Variants in WDPCP observed in about 807,000 individuals in gnomAD.
The protein encoded by WDPCP is WD repeat containing planar cell polarity effector.
A neutral mutation model predicts 93.1 loss-of-function variants in WDPCP; 71 were observed. That is an observed-to-expected ratio of 0.76 (90% CI 0.63 to 0.93). The LOEUF (loss-of-function observed/expected upper bound fraction) is 0.93. Ranked by LOEUF, WDPCP falls within the 40% of genes least tolerant of loss-of-function variation. The probability of loss-of-function intolerance (pLI) is 0.00; values close to 1 mark genes in which losing one functional copy is unlikely to be tolerated. For synonymous variants in WDPCP, 315 were observed against 315.0 expected, an observed-to-expected ratio of 1.00 and a Z score of 0.00; for missense variants, 844 against 887.4, an observed-to-expected ratio of 0.95 and a Z score of 0.62.
chr2:63,382,354 A>G (rs1183685322), intron 10 of WDPCP, among the ~76,000 whole-genome samples: 2 of 152,082 alleles, frequency 1.3e-5, no homozygotes, highest in African/African-American at 4.8e-5. Flanking sequence ...GGGGGGTGGC[A>G]TTCTGTTCTG....
intron 2 of WDPCP, among the ~76,000 whole-genome samples, chr2:63,700,558 A>G (rs915890613): frequency 6.6e-6 from 1 of 152,160 alleles, no homozygotes; most frequent in African/African-American, 2.4e-5. Flanking sequence ...TTCGTGCTGA[A>G]CATTTTTTCC....
intron 12 of WDPCP, among the ~76,000 whole-genome samples, chr2:63,334,407 A>G (rs915364957): frequency 6.6e-6 from 1 of 152,178 alleles, no homozygotes; most frequent in Non-Finnish European, 1.5e-5. Context: ...ATCAATCAAC[A>G]TATGTGAGAT....
At chr2:63,730,114 C>T (rs112826477) in intron 2 of WDPCP, among the ~76,000 whole-genome samples, 6 of 152,252 alleles carry the variant, frequency 3.9e-5, no homozygotes, top group African/African-American at 1.4e-4. Context: ...CACTTATACA[C>T]AGGCATGTGT....
chr2:63,333,308 A>T (rs556650913), intron 12 of WDPCP, among the ~76,000 whole-genome samples: 1 of 152,364 alleles, frequency 6.6e-6, no homozygotes, highest in South Asian at 2.1e-4. Flanking sequence ...ACCCCAAAAT[A>T]TATTTCCTTG....
chr2:63,783,006 A>G (rs1369519393), intron 2 of WDPCP, among the ~76,000 whole-genome samples: 2 of 152,012 alleles, frequency 1.3e-5, no homozygotes, highest in Admixed American at 6.6e-5. Context: ...AATTAGTACA[A>G]CCTCTATGGA....
intron 2 of WDPCP, among the ~76,000 whole-genome samples, chr2:63,755,538 A>C (rs1035150086): frequency 6.6e-6 from 1 of 152,244 alleles, no homozygotes. Context: ...AATAACTAAA[A>C]TAACAACAAA....
intron 2 of WDPCP, among the ~76,000 whole-genome samples, chr2:63,674,966 C>G (rs1356142748): frequency 6.6e-6 from 1 of 152,118 alleles, no homozygotes; most frequent in Non-Finnish European, 1.5e-5. Flanking sequence ...GGGGACAGAG[C>G]AGATGTCCTG....
chr2:63,489,340 G>A (rs1700740332), intron 2 of WDPCP, among the ~76,000 whole-genome samples: 1 of 152,054 alleles, frequency 6.6e-6, no homozygotes, highest in South Asian at 2.1e-4. Context: ...GTAAACTCAT[G>A]GTTTCAATAT....
intron 12 of WDPCP, among the ~76,000 whole-genome samples, chr2:63,371,125 G>A (rs979164641): frequency 2.6e-5 from 4 of 152,010 alleles, no homozygotes; most frequent in African/African-American, 7.2e-5. Context: ...CCACATACCT[G>A]TTCTTTCTGG....
intron 13 of WDPCP, among the ~76,000 whole-genome samples, chr2:63,273,779 A>C (rs1310369096): frequency 2.0e-5 from 3 of 151,820 alleles, no homozygotes; most frequent in African/African-American, 7.3e-5. Context: ...GGGTCTAACA[A>C]CTCTAAATAT....
chr2:63,507,150 C>G (rs10168545), intron 1 of WDPCP, among the ~76,000 whole-genome samples: 2 of 151,980 alleles, frequency 1.3e-5, no homozygotes, highest in South Asian at 4.1e-4. Context: ...AAAGAAATCA[C>G]TAAGTACCCA....
intron 2 of WDPCP, chr2:63,717,921 T>G (rs1470194278): frequency 3.3e-5 from 5 of 152,414 alleles, no homozygotes; most frequent in African/African-American, 4.8e-5. Context: ...TTGAAGACTG[T>G]GGGGGAAACT....
At chr2:63,631,993 G>A (rs984555368) in intron 3 of WDPCP, among the ~76,000 whole-genome samples, 1 of 152,208 alleles carries the variant, frequency 6.6e-6, no homozygotes, top group Non-Finnish European at 1.5e-5. Context: ...CCCAGAGAGA[G>A]AGATACTGCT....
chr2:63,254,524 T>C (rs766994944), intron 14 of WDPCP, among the ~76,000 whole-genome samples: 1 of 152,072 alleles, frequency 6.6e-6, no homozygotes, highest in Non-Finnish European at 1.5e-5. Context: ...ACTTTAAAAA[T>C]TAAACTTTTA....
chr2:63,423,603 T>C (rs558395416), intron 9 of WDPCP, among the ~76,000 whole-genome samples: 1 of 152,272 alleles, frequency 6.6e-6, no homozygotes, highest in East Asian at 1.9e-4. Context: ...ATTACCACCA[T>C]ACTCAGAAAG....
intron 17 of WDPCP, among the ~76,000 whole-genome samples, chr2:63,134,508 A>G (rs1670487780): frequency 6.6e-6 from 1 of 152,204 alleles, no homozygotes; most frequent in Non-Finnish European, 1.5e-5. Flanking sequence ...ACATGTACAC[A>G]TATTGTTTTC....
chr2:63,810,934 A>T (rs1176533379), intron 2 of WDPCP, among the ~76,000 whole-genome samples: 4 of 152,254 alleles, frequency 2.6e-5, no homozygotes, highest in Non-Finnish European at 4.4e-5. Flanking sequence ...CAGAGGGAGA[A>T]GGAATTTCCT....
Position 63,433,750 on chromosome 2 carries a change from G to T in WDPCP, c.820C>A (p.Leu274Ile). 2 of 1,611,678 alleles carry T rather than the reference G, an allele frequency of 1.2e-6. No individual in the cohort carries two copies. Among genetic ancestry groups the T allele is most frequent in the Non-Finnish European group, 1.7e-6 (2 of 1,178,720 alleles). ...CATATTTGTTTTAGATTTACCTCTA[G>T]TCTTCCTTGAGCATAACCCAGGAGG... Reference protein sequence around the residue: ...LLLLGYAQGRLEVLSSVRTEW... With the variant: ...LLLLGYAQGRIEVLSSVRTEW... Residue 274 changes from leucine (L) to isoleucine (I), a missense_variant, in exon 9 of 18, where the codon CTA (leucine) becomes ATA (isoleucine). By Grantham distance (5) the Leu-to-Ile change is conservative. Coordinates refer to ENST00000272321, the MANE Select transcript of WDPCP (RefSeq NM_015910.7).
intron 6 of WDPCP, among the ~76,000 whole-genome samples, chr2:63,459,801 C>T (rs1249855403): frequency 1.3e-5 from 2 of 151,356 alleles, no homozygotes; most frequent in Non-Finnish European, 3.0e-5. Flanking sequence ...CCTGTAGTCC[C>T]AGCTACTCAG....
Sources: gnomAD v4.1 joint callset for allele counts (sites outside exome capture counted in the v4.1 genomes callset) on GRCh38, gnomAD v4.1.1 for gene constraint, MANE v1.5 for transcripts, NCBI Gene and HGNC (gene_info 2026-07-23, HGNC 2026-07-21) for gene names.